TDRD1: variants seen among roughly 807,000 people sequenced by gnomAD.
TDRD1 encodes the protein tudor domain containing 1, also known as tudor domain-containing protein 1.
TDRD1 carries 37 observed loss-of-function variants against 140.6 expected under a neutral mutation model. The ratio of observed to expected loss-of-function variants is 0.26; its 90% CI spans 0.20 to 0.35. TDRD1 has a LOEUF of 0.35. Among genes scored for constraint, TDRD1 ranks in the 10% least tolerant of loss-of-function variants. The probability of loss-of-function intolerance (pLI) is 1.00; values close to 1 mark genes in which losing one functional copy is unlikely to be tolerated. For missense variants in TDRD1, 1,243 were observed against 1,393.0 expected (o/e 0.89, Z 1.71); for synonymous variants, 506 against 475.7 (o/e 1.06, Z -0.83).
At chr10:114,217,609 T>C (rs1282663647) in exon 17 of TDRD1, 2 of 1,606,280 alleles carry the variant, frequency 1.2e-6, no homozygotes, top group South Asian at 2.2e-5. Flanking sequence ...AGTTACCTAA[T>C]GGTTTCAAGG....
In TDRD1 at chr10:114,217,673, C is replaced by G. The variant is rs1370922665; in HGVS notation, c.2323+18C>G. 7.5e-7 allele frequency: 1 copy of G among 1,339,132 alleles called. No homozygotes were observed. Among genetic ancestry groups the G allele is most frequent in the Non-Finnish European group, 1.1e-6 (1 of 937,348 alleles). The allele number at this position is 1,339,132 out of a possible 1,614,324, so 83.0% of individuals were successfully genotyped here. On this transcript the variant is annotated intron_variant, in intron 17 of 25. Coordinates refer to ENST00000251864, the Ensembl canonical transcript of TDRD1. ...TTTTGCAGGTAAGTTGCAATTGATGCAATCTTGACTTTTAGAACCTTATAT... is the reference window on the plus strand; with the variant it reads ...TTTTGCAGGTAAGTTGCAATTGATGGAATCTTGACTTTTAGAACCTTATAT...
Position 114,180,833 on chromosome 10 carries a change from C to G in TDRD1, c.-7+1417C>G, listed in dbSNP as rs186542827. 2.3e-3 allele frequency among the ~76,000 whole-genome samples: 356 copies of G among 152,262 alleles called. 4 individuals carry two copies. The highest frequency in any genetic ancestry group is 0.02 in the Middle Eastern group (6 of 294). ...CATGGGGTTGCCAGGAAGACAAAAG[C>G]AAACATCAGAGAAGGAAAAAAATGA... On this transcript the variant is annotated intron_variant, in intron 1 of 25. Transcript: ENST00000251864.
chr10:114,179,712 A>T (rs1305697546), intron 1 of TDRD1: 1 of 152,220 alleles, frequency 6.6e-6, no homozygotes, highest in Non-Finnish European at 1.5e-5. Flanking sequence ...TTTGACTAAA[A>T]ATTACGATAC....
intron 1 of TDRD1, among the ~76,000 whole-genome samples, chr10:114,181,714 G>T (rs951391044): frequency 2.6e-5 from 4 of 152,020 alleles, no homozygotes; most frequent in African/African-American, 9.7e-5. Flanking sequence ...GCGTGATGGG[G>T]CATGCCTGTA....
At chr10:114,213,143 C>G (rs2035596566) in intron 14 of TDRD1, among the ~76,000 whole-genome samples, 1 of 152,050 alleles carries the variant, frequency 6.6e-6, no homozygotes, top group Admixed American at 6.6e-5. Flanking sequence ...GCCTCGGCCT[C>G]CCGGCGTGCT....
At chr10:114,197,425 T>C (rs966464151) in intron 3 of TDRD1, among the ~76,000 whole-genome samples, 1 of 152,214 alleles carries the variant, frequency 6.6e-6, no homozygotes, top group East Asian at 1.9e-4. Context: ...TTTATATCTT[T>C]TATTTCTTTA....
At chr10:114,220,731 T>C (rs2036089612) in exon 19 of TDRD1, 7 of 1,613,316 alleles carry the variant, frequency 4.3e-6, no homozygotes, top group Non-Finnish European at 5.1e-6. Context: ...TAATTAGTGA[T>C]GTTCTGATTG....
intron 11 of TDRD1, among the ~76,000 whole-genome samples, chr10:114,207,665 G>A (rs896418888): frequency 7.9e-5 from 12 of 152,066 alleles, no homozygotes; most frequent in Admixed American, 6.6e-4. Context: ...GAATGAGGAA[G>A]ATGAAGCTGG....
chr10:114,217,070 C>G (rs2035857643), intron 16 of TDRD1, among the ~76,000 whole-genome samples: 1 of 152,190 alleles, frequency 6.6e-6, no homozygotes, highest in South Asian at 2.1e-4. Flanking sequence ...TGTCTGAGAG[C>G]CATGTCTTCC....
At chr10:114,228,805 T>TG (rs2036586992) in intron 25 of TDRD1, 1 of 984,898 alleles carries the variant, frequency 1.0e-6, no homozygotes, top group African/African-American at 1.7e-5. Context: ...TGATCAGGGC[T>TG]GGGGGTGGTG....
In TDRD1 at chr10:114,206,238, T is replaced by C. The variant is rs768635349; in HGVS notation, c.1298-6T>C. 3 of 1,610,486 alleles carry C rather than the reference T, an allele frequency of 1.9e-6. No individual in the cohort carries two copies. Among genetic ancestry groups the C allele is most frequent in the African/African-American group, 2.7e-5 (2 of 74,826 alleles). ...ATGGAGGCATATTTTCTTAATCACTTTTTAGGAAAACTTTTAGACCATGTG... is the reference window on the plus strand; with the variant it reads ...ATGGAGGCATATTTTCTTAATCACTCTTTAGGAAAACTTTTAGACCATGTG... On this transcript the variant is annotated splice_region_variant and splice_polypyrimidine_tract_variant and intron_variant, in intron 10 of 25. Coordinates refer to ENST00000251864, the Ensembl canonical transcript of TDRD1.
intron 18 of TDRD1, 48 bp from the exon 19 acceptor site, chr10:114,220,520 A>C: frequency 1.3e-6 from 2 of 1,481,768 alleles, no homozygotes; most frequent in Non-Finnish European, 1.9e-6. Context: ...TAAAGCAAAA[A>C]TGAAACTTGT....
intron 25 of TDRD1, among the ~76,000 whole-genome samples, chr10:114,230,609 T>C (rs1266518701): frequency 1.3e-5 from 2 of 152,212 alleles, no homozygotes; most frequent in Non-Finnish European, 2.9e-5. Context: ...ACGTGTACAG[T>C]ATCCTTTTAG....
intron 20 of TDRD1, 22 bp from the exon 21 acceptor site, chr10:114,222,565 A>T: frequency 6.7e-7 from 1 of 1,496,554 alleles, no homozygotes; most frequent in Non-Finnish European, 9.3e-7. Context: ...TCTTCACAAA[A>T]GATTGCTTTT....
intron 10 of TDRD1, 120 bp downstream of exon 10, chr10:114,205,013 G>A: frequency 1.3e-6 from 1 of 788,114 alleles, no homozygotes; most frequent in Non-Finnish European, 1.9e-6. Flanking sequence ...CATTCAGATT[G>A]TGACTGAACC....
chr10:114,220,433 G>GT, intron 18 of TDRD1, 135 bp from the exon 19 acceptor site: 1 of 630,726 alleles, frequency 1.6e-6, no homozygotes. Flanking sequence ...GGATGTAGGT[G>GT]TATAATTGAA....
chr10:114,187,608 T>C (rs1378848316), intron 1 of TDRD1, among the ~76,000 whole-genome samples: 13 of 152,232 alleles, frequency 8.5e-5, no homozygotes, highest in Admixed American at 8.5e-4. Flanking sequence ...TTTCATGAGT[T>C]GGTCTGTTGA....
chr10:114,183,294 T>G (rs560001981), intron 1 of TDRD1, among the ~76,000 whole-genome samples: 1 of 152,330 alleles, frequency 6.6e-6, no homozygotes, highest in Middle Eastern at 3.4e-3. Flanking sequence ...TATACGCTAG[T>G]TTTATGGTTT....
At chr10:114,190,172 T>C (rs1327451644) in intron 2 of TDRD1, among the ~76,000 whole-genome samples, 2 of 152,234 alleles carry the variant, frequency 1.3e-5, no homozygotes, top group East Asian at 3.8e-4. Flanking sequence ...CTGTCTTCTG[T>C]TAAGCCAATC....
Sources: gnomAD v4.1 joint callset for allele counts (sites outside exome capture counted in the v4.1 genomes callset) on GRCh38, gnomAD v4.1.1 for gene constraint, MANE v1.5 for transcripts, NCBI Gene and HGNC (gene_info 2026-07-23, HGNC 2026-07-21) for gene names.